The following KCNMA1 variants were observed in gnomAD, a reference collection of about 807,000 sequenced individuals.
KCNMA1 encodes Calcium-activated potassium channel subunit alpha-1.
A neutral mutation model predicts 140.0 loss-of-function variants in KCNMA1; 29 were observed. That is an observed-to-expected ratio of 0.21 (90% CI 0.15 to 0.28). The LOEUF is 0.28. Among genes scored for constraint, KCNMA1 ranks in the 10% least tolerant of loss-of-function variants. KCNMA1 has a pLI of 1.00. For missense variants in KCNMA1, 880 were observed against 1,602.2 expected (o/e 0.55, Z 7.70); for synonymous variants, 612 against 611.9 (o/e 1.00, Z 0.00).
intron 24 of KCNMA1, chr10:76,913,944 T>C (rs1252002718): frequency 1.3e-6 from 1 of 757,094 alleles, no homozygotes; most frequent in Non-Finnish European, 2.2e-6. Flanking sequence ...AGCAGTGCCA[T>C]GGGGTAGCCT....
intron 16 of KCNMA1, among the ~76,000 whole-genome samples, chr10:77,024,715 G>C (rs2093234967): frequency 6.6e-6 from 1 of 152,108 alleles, no homozygotes; most frequent in African/African-American, 2.4e-5. Context: ...CCATGAGTCT[G>C]TCTCAATAAA....
At chr10:77,010,793 G>A (rs891456318) in intron 18 of KCNMA1, among the ~76,000 whole-genome samples, 16 of 151,856 alleles carry the variant, frequency 1.1e-4, no homozygotes, top group African/African-American at 3.9e-4. Context: ...TAGGAATGGT[G>A]CTCTTCTGTC....
At chr10:77,219,270 C>A (rs138706512) in intron 3 of KCNMA1, among the ~76,000 whole-genome samples, 1 of 152,132 alleles carries the variant, frequency 6.6e-6, no homozygotes, top group African/African-American at 2.4e-5. Context: ...ACAATCGTGA[C>A]GACATGCTTC....
chr10:77,095,685 A>T (rs1391515449), intron 9 of KCNMA1, among the ~76,000 whole-genome samples: 1 of 152,196 alleles, frequency 6.6e-6, no homozygotes, highest in East Asian at 1.9e-4. Context: ...TTCTCCTGCC[A>T]TTTAAGCATC....
At chr10:77,447,721 AT>A (rs1475495355) in intron 1 of KCNMA1, among the ~76,000 whole-genome samples, 3 of 152,192 alleles carry the variant, frequency 2.0e-5, no homozygotes, top group Admixed American at 2.0e-4. Context: ...ACAGGGGCTC[AT>A]TGGTACCTCT....
At chr10:77,414,949 C>T (rs906163144) in intron 1 of KCNMA1, among the ~76,000 whole-genome samples, 17 of 152,162 alleles carry the variant, frequency 1.1e-4, no homozygotes, top group African/African-American at 1.9e-4. Context: ...GTCCAATGTG[C>T]AAGAACAGAG....
At chr10:77,379,504 AGAG>A (rs1393503639) in intron 2 of KCNMA1, among the ~76,000 whole-genome samples, 2 of 151,568 alleles carry the variant, frequency 1.3e-5, no homozygotes, top group African/African-American at 4.9e-5. Flanking sequence ...GAGTAACAGA[AGAG>A]AAGCAGAAGA....
chr10:77,049,145 C>T (rs2095256797), intron 14 of KCNMA1, among the ~76,000 whole-genome samples: 2 of 152,174 alleles, frequency 1.3e-5, no homozygotes, highest in Admixed American at 1.3e-4. Flanking sequence ...AAAACTTCCT[C>T]TCCTGACTTC....
rs144806719 is a variant in KCNMA1 at position 77,552,138 on chromosome 10, G to A, written c.378+85127C>T. On this transcript the variant is annotated intron_variant, in intron 1 of 27. Transcript: ENST00000286628. ...GAAGCTAGATTGTAGACCAAGAGAT[G>A]GAGAAAACTCTTCAAGGGGAGAGCC... Among the ~76,000 whole-genome samples, 818 of 152,318 alleles carry A rather than the reference G, an allele frequency of 5.4e-3. 5 individuals carry two copies. Among genetic ancestry groups the A allele is most frequent in the African/African-American group, 0.019 (797 of 41,582 alleles).
chr10:76,994,748 T>TG (rs1593052557), intron 19 of KCNMA1, among the ~76,000 whole-genome samples: 1 of 152,340 alleles, frequency 6.6e-6, no homozygotes, highest in East Asian at 1.9e-4. Context: ...TAGGCTTCAC[T>TG]GGGAGTCAAA....
At chr10:77,472,413 C>A (rs1421012938) in intron 1 of KCNMA1, among the ~76,000 whole-genome samples, 1 of 148,916 alleles carries the variant, frequency 6.7e-6, no homozygotes, top group Non-Finnish European at 1.5e-5. Context: ...GACACATACA[C>A]ATAGCACACC....
At chr10:76,872,028 G>A (rs896897380) in exon 28 of KCNMA1, 2 of 152,160 alleles carry the variant, frequency 1.3e-5, no homozygotes, top group African/African-American at 4.8e-5. Context: ...CTGCAAGGGT[G>A]TTTTCATAAG....
intron 3 of KCNMA1, among the ~76,000 whole-genome samples, chr10:77,187,831 A>G (rs1321541351): frequency 6.6e-6 from 1 of 152,140 alleles, no homozygotes; most frequent in Non-Finnish European, 1.5e-5. Flanking sequence ...CCCCTCTGAG[A>G]TAAGTCCTCT....
chr10:77,468,652 C>A (rs1282635727), intron 1 of KCNMA1, among the ~76,000 whole-genome samples: 5 of 152,174 alleles, frequency 3.3e-5, no homozygotes, highest in Admixed American at 6.5e-5. Context: ...GCCCTGCCAA[C>A]ACCTTGATCT....
chr10:77,451,903 A>T (rs1490519837), intron 1 of KCNMA1, among the ~76,000 whole-genome samples: 2 of 152,334 alleles, frequency 1.3e-5, no homozygotes, highest in East Asian at 3.9e-4. Context: ...ACCACAGGAA[A>T]CTAGGCCTAA....
chr10:77,496,841 T>C (rs924705352), intron 1 of KCNMA1, among the ~76,000 whole-genome samples: 1 of 152,176 alleles, frequency 6.6e-6, no homozygotes, highest in African/African-American at 2.4e-5. Context: ...GTCACCTGGC[T>C]GTCTTCACCT....
chr10:77,554,693 A>G (rs1308140576), intron 1 of KCNMA1, among the ~76,000 whole-genome samples: 1 of 152,124 alleles, frequency 6.6e-6, no homozygotes, highest in Non-Finnish European at 1.5e-5. Context: ...AGACTAAGGA[A>G]GAGTCCAAAA....
At chr10:77,021,856 T>C (rs1266302281) in intron 16 of KCNMA1, among the ~76,000 whole-genome samples, 1 of 152,142 alleles carries the variant, frequency 6.6e-6, no homozygotes, top group Admixed American at 6.5e-5. Context: ...CTTGAAATAA[T>C]GAAAGAAAGA....
chr10:77,238,594 G>T (rs146311636), intron 3 of KCNMA1, among the ~76,000 whole-genome samples: 3 of 152,286 alleles, frequency 2.0e-5, no homozygotes, highest in African/African-American at 7.2e-5. Flanking sequence ...TGCATTGCAG[G>T]TTAAGGGACA....
Sources: allele counts gnomAD v4.1 joint callset (sites outside exome capture counted in the v4.1 genomes callset), GRCh38; gene constraint gnomAD v4.1.1; transcripts MANE v1.5; gene names NCBI Gene and HGNC (gene_info 2026-07-23, HGNC 2026-07-21).